The following CHD7 variants were observed in gnomAD, a reference collection of about 807,000 sequenced individuals.
CHD7 encodes the protein chromodomain helicase DNA binding protein 7.
In CHD7, 24 loss-of-function variants were observed where a neutral mutation model predicts 307.3. The observed-to-expected ratio is 0.08, with a 90% CI of 0.06 to 0.11. The LOEUF (loss-of-function observed/expected upper bound fraction) is 0.11. Among genes scored for constraint, CHD7 ranks in the 10% least tolerant of loss-of-function variants. The probability of loss-of-function intolerance (pLI) is 1.00; values close to 1 mark genes in which losing one functional copy is unlikely to be tolerated. For missense variants in CHD7, 3,106 were observed against 3,727.1 expected (o/e 0.83, Z 4.34); for synonymous variants, 1,363 against 1,349.9 (o/e 1.01, Z -0.21).
intron 3 of CHD7, 57 bp from the exon 4 acceptor site, chr8:60,794,929 A>G: frequency 6.7e-7 from 1 of 1,482,680 alleles, no homozygotes; most frequent in Non-Finnish European, 9.2e-7. Flanking sequence ...GGGAAATATA[A>G]GAGACATGCA....
chr8:60,824,040 CA>C, intron 13 of CHD7, 24 bp downstream of exon 13: 1 of 1,598,486 alleles, frequency 6.3e-7, no homozygotes, highest in Admixed American at 1.7e-5. Context: ...TTGGTGATTG[CA>C]CTGAACCTGA....
At position 60,698,598 on chromosome 8, in the gene CHD7, A is replaced by T. The variant is rs531528872; in HGVS notation, c.-175+19516A>T. Among the ~76,000 whole-genome samples, 8 of 152,314 alleles carry T rather than the reference A, an allele frequency of 5.3e-5. 1 individual carries two copies. In the South Asian group the frequency reaches 1.2e-3, roughly 24 times the overall value. On this transcript the variant is annotated intron_variant, in intron 1 of 37. Coordinates refer to ENST00000423902, the MANE Select transcript of CHD7 (RefSeq NM_017780.4). Reference sequence around the variant, plus strand: ...GTTCCTGTTTTCTTGCTTATAAATAAGGTAGCTGATAGTCCCTTCCTCAAT... The same window carrying T: ...GTTCCTGTTTTCTTGCTTATAAATATGGTAGCTGATAGTCCCTTCCTCAAT...
At chr8:60,841,063 G>A (rs1804949430) in intron 19 of CHD7, among the ~76,000 whole-genome samples, 1 of 152,160 alleles carries the variant, frequency 6.6e-6, no homozygotes, top group South Asian at 2.1e-4. Flanking sequence ...GGTTATGATT[G>A]TGTCCATAAT....
chr8:60,720,987 G>A (rs143093039), intron 1 of CHD7, among the ~76,000 whole-genome samples: 5 of 152,246 alleles, frequency 3.3e-5, no homozygotes, highest in Non-Finnish European at 5.9e-5. Context: ...TTCCGTTGGC[G>A]GCTGCTGCTT....
chr8:60,769,751 A>G (rs1810628305), intron 2 of CHD7, among the ~76,000 whole-genome samples: 1 of 151,972 alleles, frequency 6.6e-6, no homozygotes, highest in Admixed American at 6.6e-5. Flanking sequence ...TTTTTTTGTG[A>G]TTCTAATACT....
intron 1 of CHD7, among the ~76,000 whole-genome samples, chr8:60,731,484 C>T (rs181642262): frequency 1.2e-4 from 19 of 152,240 alleles, no homozygotes; most frequent in Admixed American, 6.5e-4. Context: ...TGGTACTGTG[C>T]ATGGTTTTGA....
At chr8:60,730,490 A>G (rs1808390224) in intron 1 of CHD7, among the ~76,000 whole-genome samples, 1 of 152,242 alleles carries the variant, frequency 6.6e-6, no homozygotes, top group Non-Finnish European at 1.5e-5. Flanking sequence ...CCCCTGCCCC[A>G]CCCCAGTCCA....
At chr8:60,691,942 A>G (rs1327612567) in intron 1 of CHD7, among the ~76,000 whole-genome samples, 2 of 152,236 alleles carry the variant, frequency 1.3e-5, no homozygotes, top group African/African-American at 2.4e-5. Flanking sequence ...TTAAAAATGC[A>G]GATTCCTCAA....
In CHD7 at chr8:60,851,330, A is replaced by C; in HGVS notation, c.5665+11A>C. ...AAATACATGCCACAGGTAAGGTCCC[A>C]GAAAAGCTTGTGTAGCCGAGCAGAC... On this transcript the variant is annotated intron_variant, in intron 28 of 37. Coordinates refer to ENST00000423902, the MANE Select transcript of CHD7 (RefSeq NM_017780.4). 6.4e-7 allele frequency: 1 copy of C among 1,555,862 alleles called. No individual in the cohort carries two copies. Among genetic ancestry groups the C allele is most frequent in the Non-Finnish European group, 8.7e-7 (1 of 1,148,320 alleles).
At chr8:60,810,598 C>T (rs1033127617) in intron 7 of CHD7, among the ~76,000 whole-genome samples, 1 of 152,070 alleles carries the variant, frequency 6.6e-6, no homozygotes, top group African/African-American at 2.4e-5. Flanking sequence ...AAACCTGGCT[C>T]TCTTATTTTT....
At position 60,852,697 on chromosome 8, in the gene CHD7, C is replaced by T; in HGVS notation, c.6094C>T (p.Pro2032Ser). The change falls in exon 30 of 38, where the codon CCA becomes TCA. Residue 2032 changes from proline to serine, a missense_variant. This residue lies in a region of CHD7 where 1,030 missense variants were observed against 1,165.4 expected (regional missense o/e 0.88). Coordinates refer to ENST00000423902, the MANE Select transcript of CHD7 (RefSeq NM_017780.4). Reference protein sequence around the residue: ...CRRVCRMPVKPDDEPPDLSSI... With the variant: ...CRRVCRMPVKSDDEPPDLSSI... ...GCGAGTATGTCGAATGCCCGTCAAG[C>T]CAGATGATGGTAGGTACATTTAGCA... 6.2e-7 allele frequency: 1 copy of T among 1,613,718 alleles called. No individual in the cohort carries two copies. The highest frequency in any genetic ancestry group is 8.5e-7 in the Non-Finnish European group (1 of 1,179,758).
rs188918073 is a variant in CHD7 at position 60,696,292 on chromosome 8, T to C, written c.-175+17210T>C. Among the ~76,000 whole-genome samples the C allele has an allele frequency of 1.7e-3, 262 of 152,354 alleles. 1 individual carries two copies. The highest frequency in any genetic ancestry group is 5.9e-3 in the African/African-American group (246 of 41,588). ...GGAAATACATCAATTTAAAAAATTA[T>C]TAGTTTCAGGGATTGGCAGTTTCAC... is the stretch of plus-strand genomic sequence containing the variant. On this transcript the variant is annotated intron_variant, in intron 1 of 37. Transcript: ENST00000423902.
intron 35 of CHD7, chr8:60,861,838 T>C (rs1328573223): frequency 5.9e-6 from 1 of 170,474 alleles, no homozygotes; most frequent in African/African-American, 2.4e-5. Context: ...TCTCATGTTG[T>C]TGATGGGGTA....
intron 1 of CHD7, among the ~76,000 whole-genome samples, chr8:60,726,572 C>A (rs760801808): frequency 6.6e-6 from 1 of 152,178 alleles, no homozygotes; most frequent in Non-Finnish European, 1.5e-5. Context: ...CAAAGTACTG[C>A]GTTAAGTGCA....
At position 60,741,710 on chromosome 8, in the gene CHD7, C is replaced by A. The variant is rs1809027007; in HGVS notation, c.278C>A (p.Thr93Asn). 2 of 1,613,976 alleles carry A rather than the reference C, an allele frequency of 1.2e-6. No homozygotes were observed. Among genetic ancestry groups the A allele is most frequent in the East Asian group, 4.5e-5 (2 of 44,888 alleles). ...CAGCCGAACAGAATGATGAGCAACA[C>A]CCCTGGGAACGGACTCGCGTCTCCG... Reference protein sequence around the residue: ...MDQPNRMMSNTPGNGLASPHS... With the variant: ...MDQPNRMMSNNPGNGLASPHS... The change falls in exon 2 of 38, where the codon ACC becomes AAC. Residue 93 changes from threonine (T) to asparagine (N), a missense_variant. Around this residue, in one of 10 missense-constraint regions of CHD7, gnomAD observed 998 missense variants for 1,004.5 expected, o/e 0.99. Coordinates refer to ENST00000423902, the MANE Select transcript of CHD7 (RefSeq NM_017780.4).
intron 1 of CHD7, among the ~76,000 whole-genome samples, chr8:60,699,017 A>G (rs1806628764): frequency 6.6e-6 from 1 of 152,150 alleles, no homozygotes; most frequent in Non-Finnish European, 1.5e-5. Context: ...AAGAGGTGGG[A>G]CTACAGGTGT....
intron 2 of CHD7, among the ~76,000 whole-genome samples, chr8:60,748,067 C>T (rs905308994): frequency 4.6e-5 from 7 of 152,142 alleles, no homozygotes; most frequent in Non-Finnish European, 8.8e-5. Context: ...ATTGAGGCTT[C>T]GTATGTGCTT....
intron 1 of CHD7, among the ~76,000 whole-genome samples, chr8:60,695,682 A>C (rs1242056645): frequency 2.6e-5 from 4 of 152,238 alleles, no homozygotes; most frequent in South Asian, 4.1e-4. Context: ...AAAAGCAGTC[A>C]AGGATATAAG....
chr8:60,776,489 G>A (rs574877950), intron 2 of CHD7, among the ~76,000 whole-genome samples: 10 of 152,182 alleles, frequency 6.6e-5, no homozygotes, highest in Admixed American at 5.9e-4. Flanking sequence ...GGCAGGATTT[G>A]TTGTTCAAGC....
Sources: gnomAD v4.1 joint callset for allele counts (sites outside exome capture counted in the v4.1 genomes callset) on GRCh38, gnomAD v4.1.1 for gene constraint, gnomAD v4.1.1 regional missense constraint, MANE v1.5 for transcripts, NCBI Gene and HGNC (gene_info 2026-07-23, HGNC 2026-07-21) for gene names.